Variants in MYRIP observed in about 807,000 individuals in gnomAD.
MYRIP encodes the protein rab effector MyRIP.
MYRIP carries 49 observed loss-of-function variants against 98.0 expected under a neutral mutation model. The ratio of observed to expected loss-of-function variants is 0.50; its 90% confidence interval spans 0.40 to 0.63. The LOEUF (loss-of-function observed/expected upper bound fraction) is 0.63. Ranked by LOEUF, MYRIP falls within the 30% of genes least tolerant of loss-of-function variation. MYRIP has a pLI of 0.00. For synonymous variants in MYRIP, 404 were observed against 409.5 expected (o/e 0.99, Z 0.16); for missense variants, 1,004 against 1,058.2 (o/e 0.95, Z 0.71).
At chr3:39,926,956 A>G (rs940687442) in intron 2 of MYRIP, among the ~76,000 whole-genome samples, 15 of 152,074 alleles carry the variant, frequency 9.9e-5, no homozygotes, top group African/African-American at 2.7e-4. Context: ...CTTCCAATCT[A>G]TGAACATGGA....
chr3:40,217,304 T>C (rs1952153576), intron 11 of MYRIP, among the ~76,000 whole-genome samples: 1 of 152,172 alleles, frequency 6.6e-6, no homozygotes, highest in African/African-American at 2.4e-5. Context: ...AATTAATTCA[T>C]GAGTGAATAG....
chr3:39,924,465 G>T (rs1470641086), intron 2 of MYRIP, among the ~76,000 whole-genome samples: 3 of 151,996 alleles, frequency 2.0e-5, no homozygotes, highest in Non-Finnish European at 4.4e-5. Flanking sequence ...GCAAACAACA[G>T]AGCTTGAAAA....
chr3:40,089,600 TAACTC>T (rs1948701951), intron 3 of MYRIP, among the ~76,000 whole-genome samples: 1 of 152,096 alleles, frequency 6.6e-6, no homozygotes, highest in Non-Finnish European at 1.5e-5. Flanking sequence ...TCAAAAAAAT[TAACTC>T]AAGTAATAGC....
chr3:39,915,608 AG>A (rs1944134834), intron 2 of MYRIP, among the ~76,000 whole-genome samples: 1 of 151,998 alleles, frequency 6.6e-6, no homozygotes, highest in Non-Finnish European at 1.5e-5. Flanking sequence ...CTCCAACCAA[AG>A]TAAAAGGGAT....
intron 8 of MYRIP, among the ~76,000 whole-genome samples, chr3:40,176,934 A>AAGAAAAT (rs1950780869): frequency 6.6e-6 from 1 of 151,430 alleles, no homozygotes; most frequent in Non-Finnish European, 1.5e-5. Context: ...AAGAAAAGAA[A>AAGAAAAT]AGAAAATTAG....
At chr3:40,038,918 G>A (rs1396698321) in intron 2 of MYRIP, among the ~76,000 whole-genome samples, 1 of 152,068 alleles carries the variant, frequency 6.6e-6, no homozygotes, top group Non-Finnish European at 1.5e-5. Flanking sequence ...GCCATGAAGG[G>A]CCCTGGAACA....
intron 11 of MYRIP, among the ~76,000 whole-genome samples, chr3:40,232,623 G>T (rs918652783): frequency 6.6e-6 from 1 of 152,206 alleles, no homozygotes; most frequent in Non-Finnish European, 1.5e-5. Context: ...GATGTGATGA[G>T]ATAAACAAAA....
intron 3 of MYRIP, among the ~76,000 whole-genome samples, chr3:40,079,626 A>G (rs150199756): frequency 3.3e-5 from 5 of 152,232 alleles, no homozygotes; most frequent in African/African-American, 1.2e-4. Flanking sequence ...CCCTAGGTGC[A>G]TTCTTTTTGT....
At chr3:40,255,797 T>C (rs7434088) in intron 16 of MYRIP, among the ~76,000 whole-genome samples, 51,090 of 152,108 alleles carry the variant, frequency 0.34, 9,472 homozygotes, top group East Asian at 0.62. Context: ...AATTAGAGAA[T>C]AGTGTAACTG....
intron 16 of MYRIP, 35 bp from the exon 17 acceptor site, chr3:40,258,099 T>C (rs1397746530): frequency 6.2e-7 from 1 of 1,612,162 alleles, no homozygotes; most frequent in Middle Eastern, 1.6e-4. Flanking sequence ...TCTTCCCAAG[T>C]GGCTGATGGG....
chr3:40,139,413 C>T (rs58801898), intron 3 of MYRIP, among the ~76,000 whole-genome samples: 4,255 of 152,236 alleles, frequency 0.028, 115 homozygotes, highest in African/African-American at 0.073. Flanking sequence ...CTGTCAGTCC[C>T]GCTGCTGGCT....
intron 2 of MYRIP, among the ~76,000 whole-genome samples, chr3:39,901,734 C>T (rs1256099692): frequency 2.6e-5 from 4 of 152,134 alleles, no homozygotes; most frequent in African/African-American, 7.2e-5. Flanking sequence ...GATTATCCAA[C>T]AGCTAGAACA....
chr3:40,114,654 T>C (rs1949235230), intron 3 of MYRIP, among the ~76,000 whole-genome samples: 1 of 152,242 alleles, frequency 6.6e-6, no homozygotes, highest in Non-Finnish European at 1.5e-5. Context: ...TTTGAAAAGA[T>C]GTTTAACTTC....
intron 1 of MYRIP, among the ~76,000 whole-genome samples, chr3:39,839,628 G>A (rs186074342): frequency 1.4e-4 from 22 of 152,210 alleles, no homozygotes; most frequent in African/African-American, 2.9e-4. Flanking sequence ...TGGGCATTTC[G>A]TGCTATAAAT....
At chr3:39,980,608 G>A (rs1335157174) in intron 2 of MYRIP, among the ~76,000 whole-genome samples, 1 of 152,226 alleles carries the variant, frequency 6.6e-6, no homozygotes, top group Non-Finnish European at 1.5e-5. Flanking sequence ...TCTGGTGCCT[G>A]CTCTGACCTC....
In MYRIP at chr3:39,976,345, A is replaced by C. The variant is rs533255320; in HGVS notation, c.111-67705A>C. On this transcript the variant is annotated intron_variant, in intron 2 of 16. Transcript: ENST00000302541. ...AAATGCAAATCAAAACCACAATGAG[A>C]GACCATCTCACACCAGTTAGAATGG... Among the ~76,000 whole-genome samples the C allele has an allele frequency of 2.0e-5, 3 of 152,366 alleles. 1 individual carries two copies. In the South Asian group the frequency reaches 6.2e-4, roughly 32 times the overall value.
chr3:40,232,184 C>A lies in MYRIP; in HGVS notation c.1906-1675C>A, dbSNP rs1283626611. ...TGGTATGTAGCAAAGCCCCCTGAAC[C>A]AACAGAAACATGGCTATTGGGTCAG... On this transcript the variant is annotated intron_variant, in intron 11 of 16. Coordinates refer to ENST00000302541, the MANE Select transcript of MYRIP (RefSeq NM_015460.4). Among the ~76,000 whole-genome samples the A allele has an allele frequency of 2.0e-5, 3 of 152,310 alleles. No individual in the cohort carries two copies. The South Asian group carries it at 6.2e-4, about 32-fold the overall frequency.
Position 39,993,268 on chromosome 3 carries a change from G to C in MYRIP, c.111-50782G>C, listed in dbSNP as rs368202297. ...GAGATAACAGCATTAATCTATCCTC[G>C]TGGCCTAATCACCTCTTAGAGGTCT... On this transcript the variant is annotated intron_variant, in intron 2 of 16. Coordinates refer to ENST00000302541, the MANE Select transcript of MYRIP (RefSeq NM_015460.4). Among the ~76,000 whole-genome samples the C allele has an allele frequency of 1.4e-3, 206 of 152,240 alleles. 2 individuals are homozygous for C. In the South Asian group the frequency reaches 0.041, roughly 30 times the overall value.
intron 2 of MYRIP, among the ~76,000 whole-genome samples, chr3:39,976,643 C>G (rs1295953279): frequency 2.0e-5 from 3 of 152,118 alleles, no homozygotes; most frequent in Admixed American, 6.6e-5. Flanking sequence ...TTGGAACCAA[C>G]CCAAATGTCC....
Sources: allele counts gnomAD v4.1 joint callset (sites outside exome capture counted in the v4.1 genomes callset), GRCh38; gene constraint gnomAD v4.1.1; transcripts MANE v1.5; gene names NCBI Gene and HGNC (gene_info 2026-07-23, HGNC 2026-07-21).